The following ACTN3 variants were observed in gnomAD, a reference collection of about 807,000 sequenced individuals.
The protein encoded by ACTN3 is actinin alpha 3, also known as alpha-actinin-3.
A neutral mutation model predicts 119.6 loss-of-function variants in ACTN3; 91 were observed. That is an observed-to-expected ratio of 0.76 (90% CI 0.64 to 0.91). The LOEUF is 0.91. Ranked by LOEUF, ACTN3 falls within the 40% of genes least tolerant of loss-of-function variation. ACTN3 has a pLI of 0.00. For synonymous variants in ACTN3, 456 were observed against 478.8 expected (o/e 0.95, Z 0.62); for missense variants, 1,221 against 1,215.1 (o/e 1.00, Z -0.07).
At chr11:66,558,220 G>C in intron 11 of ACTN3, 46 bp downstream of exon 11, 1 of 1,603,030 alleles carries the variant, frequency 6.2e-7, no homozygotes, top group Non-Finnish European at 8.5e-7. Flanking sequence ...TTGGGGTGGA[G>C]ATTGGTGTGC....
chr11:66,559,937 GC>G (rs1242962519), intron 12 of ACTN3, 30 bp from the exon 13 acceptor site: 1 of 1,561,908 alleles, frequency 6.4e-7, no homozygotes, highest in African/African-American at 1.4e-5. Context: ...GCTGGGGCTG[GC>G]CCCACACTCG....
Position 66,551,270 on chromosome 11 carries a change from G to A in ACTN3, c.179G>A (p.Arg60His), listed in dbSNP as rs774833491. 4.6e-5 allele frequency: 74 copies of A among 1,611,896 alleles called. No individual in the cohort carries two copies. The highest frequency in any genetic ancestry group is 1.3e-4 in the Admixed American group (8 of 59,710). The change falls in exon 2 of 21, where the codon CGC becomes CAC. Residue 60 changes from arginine to histidine, a missense_variant. By Grantham distance (29) the Arg-to-His change is conservative. This residue lies in a region of ACTN3 where 239 missense variants were observed against 231.8 expected (regional missense o/e 1.03). Coordinates refer to ENST00000513398, the MANE Select transcript of ACTN3 (RefSeq NM_001104.4). ...TFTAWCNSHLRKAGTQIENIE... is the reference protein window; with the variant it reads ...TFTAWCNSHLHKAGTQIENIE... ...ACTGCCTGGTGCAACTCACACCTGC[G>A]CAAGGCAGGCACCCAGATCGAGAAC...
intron 19 of ACTN3, 137 bp from the exon 20 acceptor site, chr11:66,562,659 T>G: frequency 9.9e-7 from 1 of 1,011,680 alleles, no homozygotes; most frequent in East Asian, 2.4e-5. Flanking sequence ...CAGCCAGGGC[T>G]AAGGTCTCTG....
At chr11:66,553,292 G>A (rs1052771874) in intron 3 of ACTN3, among the ~76,000 whole-genome samples, 2 of 149,894 alleles carry the variant, frequency 1.3e-5, no homozygotes, top group African/African-American at 2.5e-5. Flanking sequence ...AGTGGCTCAC[G>A]ACTGTAATCC....
upstream of ACTN3, chr11:66,546,637 A>C: frequency 6.5e-7 from 1 of 1,533,798 alleles, no homozygotes; most frequent in Non-Finnish European, 8.7e-7. Flanking sequence ...GGAGAGGAGT[A>C]AACAGACTCA....
intron 8 of ACTN3, 153 bp from the exon 9 acceptor site, chr11:66,556,980 T>G (rs1857603250): frequency 5.4e-6 from 1 of 185,218 alleles, no homozygotes; most frequent in South Asian, 1.9e-4. Flanking sequence ...CTAGGATGGT[T>G]TCGATCTCCT....
At chr11:66,559,540 T>A in intron 12 of ACTN3, 154 bp downstream of exon 12, 1 of 304,366 alleles carries the variant, frequency 3.3e-6, no homozygotes, top group Non-Finnish European at 4.6e-6. Context: ...GCTCCGCCCC[T>A]CCTGGAACCC....
chr11:66,559,545 G>A, intron 12 of ACTN3, 159 bp downstream of exon 12: 1 of 287,720 alleles, frequency 3.5e-6, no homozygotes, highest in Non-Finnish European at 5.2e-6. Flanking sequence ...GCCCCTCCTG[G>A]AACCCCACCC....
chr11:66,546,925 G>A lies in ACTN3; in HGVS notation c.-13G>A, dbSNP rs373967954. The A allele has an allele frequency of 2.2e-5, 34 of 1,535,960 alleles. 1 individual carries two copies. The highest frequency in any genetic ancestry group is 2.8e-5 in the Non-Finnish European group (32 of 1,145,370). Reference sequence around the variant, plus strand: ...AGCGTGCCGAGCGGAGCGAAGCCAGGAGCCCGATCGAGATGATGATGGTTA... The same window carrying A: ...AGCGTGCCGAGCGGAGCGAAGCCAGAAGCCCGATCGAGATGATGATGGTTA... On this transcript the variant is annotated 5_prime_UTR_variant, in exon 1 of 21. Coordinates refer to ENST00000513398, the MANE Select transcript of ACTN3 (RefSeq NM_001104.4).
At chr11:66,554,219 C>A in intron 4 of ACTN3, 88 bp downstream of exon 4, 1 of 1,077,586 alleles carries the variant, frequency 9.3e-7, no homozygotes, top group Non-Finnish European at 1.4e-6. Context: ...GGGCAGACCA[C>A]TTGAAGGATC....
Position 66,556,173 on chromosome 11 carries a change from G to C in ACTN3, c.747G>C (p.Glu249Asp). The C allele has an allele frequency of 6.2e-7, 1 of 1,613,914 alleles. No individual in the cohort carries two copies. Among genetic ancestry groups the C allele is most frequent in the African/African-American group, 1.3e-5 (1 of 75,040 alleles). ...TTGTGAACACCCCAAAGCCGGATGAGAAGGCCATCATGACCTATGTGTCCT... is the reference window on the plus strand; with the variant it reads ...TTGTGAACACCCCAAAGCCGGATGACAAGGCCATCATGACCTATGTGTCCT... ...EDIVNTPKPDEKAIMTYVSCF... is the reference protein window; with the variant it reads ...EDIVNTPKPDDKAIMTYVSCF... Residue 249 changes from glutamate to aspartate, a missense_variant, in exon 8 of 21, where the codon GAG becomes GAC. Glu to Asp is a conservative substitution (Grantham distance 45). Around this residue, in one of 3 missense-constraint regions of ACTN3, gnomAD observed 934 missense variants for 899.9 expected, o/e 1.04. Transcript: ENST00000513398.
chr11:66,561,961 G>A (rs1857781545), intron 17 of ACTN3, 61 bp from the exon 18 acceptor site: 1 of 1,547,582 alleles, frequency 6.5e-7, no homozygotes, highest in Middle Eastern at 1.8e-4. Flanking sequence ...TGGATGTGGA[G>A]CTAGAGCCAG....
rs770148768 is a variant in ACTN3 at position 66,562,088 on chromosome 11, C to G, written c.2242C>G (p.Gln748Glu). The G allele has an allele frequency of 6.2e-7, 1 of 1,613,984 alleles. No individual in the cohort carries two copies. Among genetic ancestry groups the G allele is most frequent in the East Asian group, 2.2e-5 (1 of 44,868 alleles). ...IARTINEVEN[Q>E]VLTRDAKGLS... ...CCGCACCATCAATGAAGTGGAGAAC[C>G]AGGTACTGACCCGAGACGCCAAGGG... Residue 748 changes from glutamine to glutamate, a missense_variant, in exon 18 of 21, where the codon CAG (glutamine) becomes GAG (glutamate). Around this residue, in one of 3 missense-constraint regions of ACTN3, gnomAD observed 934 missense variants for 899.9 expected, o/e 1.04. Transcript: ENST00000513398.
At chr11:66,557,106 C>A in intron 8 of ACTN3, 27 bp from the exon 9 acceptor site, 3 of 1,548,074 alleles carry the variant, frequency 1.9e-6, no homozygotes, top group Non-Finnish European at 2.6e-6. Context: ...TGCTTTAATG[C>A]CAGCCTTCTG....
Position 66,556,180 on chromosome 11 carries a change from A to G in ACTN3, c.754A>G (p.Ile252Val), listed in dbSNP as rs1376417436. ...CACCCCAAAGCCGGATGAGAAGGCC[A>G]TCATGACCTATGTGTCCTGCTTCTA... ...VNTPKPDEKA[I>V]MTYVSCFYHA... The change falls in exon 8 of 21, where the codon ATC becomes GTC. Residue 252 changes from isoleucine to valine, a missense_variant. By Grantham distance (29) the Ile-to-Val change is conservative. Coordinates refer to ENST00000513398, the MANE Select transcript of ACTN3 (RefSeq NM_001104.4). The G allele has an allele frequency of 6.2e-7, 1 of 1,613,914 alleles. No homozygotes were observed. Among genetic ancestry groups the G allele is most frequent in the South Asian group, 1.1e-5 (1 of 91,046 alleles).
Position 66,563,181 on chromosome 11 carries a change from G to A in ACTN3, c.2694G>A (p.Glu898=). ...YVAFSSALYG[E]SDL ...CCTTCTCCAGTGCCCTCTATGGGGA[G>A]AGCGACCTTTGACCCCAACCACTGA... The change falls in exon 21 of 21, where the codon GAG becomes GAA. Residue 898 remains glutamate (E), a synonymous_variant. Coordinates refer to ENST00000513398, the MANE Select transcript of ACTN3 (RefSeq NM_001104.4). The A allele has an allele frequency of 1.2e-6, 2 of 1,604,572 alleles. No homozygotes were observed. Among genetic ancestry groups the A allele is most frequent in the East Asian group, 2.2e-5 (1 of 44,690 alleles).
chr11:66,562,124 G>GAGC lies in ACTN3; in HGVS notation c.2282_2284dup (p.Gln761dup). The GAGC allele has an allele frequency of 1.2e-6, 2 of 1,614,092 alleles. No individual in the cohort carries two copies. Among genetic ancestry groups the GAGC allele is most frequent in the Non-Finnish European group, 1.7e-6 (2 of 1,179,982 alleles). On this transcript the variant is annotated inframe_insertion, in exon 18 of 21. Transcript: ENST00000513398. Reference sequence around the variant, plus strand: ...CCGAGACGCCAAGGGACTGAGCCAGGAGCAGCTCAACGAGTTCCGAGCATC... The same window carrying GAGC: ...CCGAGACGCCAAGGGACTGAGCCAGGAGCAGCAGCTCAACGAGTTCCGAGCATC...
At position 66,555,255 on chromosome 11, in the gene ACTN3, C is replaced by A. The variant is rs373559300; in HGVS notation, c.637-31C>A. 8.1e-5 allele frequency: 130 copies of A among 1,614,030 alleles called. 2 individuals carry two copies. The South Asian group carries it at 1.0e-3, about 13-fold the overall frequency. ...GCCCAAGGCCTCTGCCTGCAGCTGA[C>A]CTTTCACCCTCCTCCCTTACACCCT... On this transcript the variant is annotated intron_variant, in intron 6 of 20. Coordinates refer to ENST00000513398, the MANE Select transcript of ACTN3 (RefSeq NM_001104.4).
At chr11:66,553,924 G>T (rs1286379676) in intron 3 of ACTN3, 121 bp from the exon 4 acceptor site, 5 of 657,494 alleles carry the variant, frequency 7.6e-6, no homozygotes, top group African/African-American at 1.8e-5. Context: ...CACCTACTAG[G>T]TGCCAGCCCT....
Sources: allele counts gnomAD v4.1 joint callset (sites outside exome capture counted in the v4.1 genomes callset), GRCh38; gene constraint gnomAD v4.1.1; regional missense constraint gnomAD v4.1.1; transcripts MANE v1.5; gene names NCBI Gene and HGNC (gene_info 2026-07-23, HGNC 2026-07-21).